Variants in PUDP observed in about 807,000 individuals in gnomAD.
PUDP encodes the protein pseudouridine 5'-phosphatase.
A neutral mutation model predicts 9.4 loss-of-function variants in PUDP; 8 were observed. The observed-to-expected ratio is 0.85, with a 90% CI of 0.50 to 1.53. The LOEUF (loss-of-function observed/expected upper bound fraction) is 1.53, where lower values mean the gene tolerates loss of function less well. Among genes scored for constraint, PUDP ranks in the 40% most tolerant of loss-of-function variants. The probability of loss-of-function intolerance (pLI) is 0.00; values close to 1 mark genes in which losing one functional copy is unlikely to be tolerated. For missense variants in PUDP, 188 were observed against 189.7 expected (o/e 0.99, Z 0.05); for synonymous variants, 99 against 80.7 (o/e 1.23, Z -1.22).
intron 3 of PUDP, among the ~76,000 whole-genome samples, chrX:6,727,532 T>C (rs1924753693): frequency 8.9e-6 from 1 of 112,346 alleles, no homozygotes; most frequent in Non-Finnish European, 1.9e-5. Flanking sequence ...TCAGCACTTT[T>C]TACTACTGGG....
At chrX:6,872,178 G>T (rs936043020) in intron 3 of PUDP, among the ~76,000 whole-genome samples, 3 of 111,120 alleles carry the variant, frequency 2.7e-5, no homozygotes, top group African/African-American at 9.8e-5. Flanking sequence ...TTTGCAGGGG[G>T]TGGACACAAA....
chrX:7,062,293 G>A (rs746905364), intron 3 of PUDP, among the ~76,000 whole-genome samples: 2 of 111,712 alleles, frequency 1.8e-5, no homozygotes, highest in African/African-American at 3.3e-5. Context: ...CCCACTGTGG[G>A]GAGCCCTGTT....
At chrX:7,023,991 G>C (rs181548346) in intron 1 of PUDP, among the ~76,000 whole-genome samples, 58 of 111,614 alleles carry the variant, frequency 5.2e-4, no homozygotes, top group African/African-American at 1.8e-3. Context: ...AAATAGTATT[G>C]ATTCTTCATT....
chrX:6,751,253 G>T (rs937447467), intron 3 of PUDP, among the ~76,000 whole-genome samples: 1 of 111,941 alleles, frequency 8.9e-6, no homozygotes, highest in East Asian at 2.8e-4. Flanking sequence ...ACCTCAAAAA[G>T]AATACTACGT....
chrX:7,027,044 C>T (rs758295254), intron 1 of PUDP, among the ~76,000 whole-genome samples: 130 of 111,600 alleles, frequency 1.2e-3, no homozygotes, highest in Non-Finnish European at 2.0e-3. Flanking sequence ...AGTTTGACTT[C>T]ATATTTTTAT....
At chrX:6,846,087 T>C (rs1482420869) in intron 3 of PUDP, among the ~76,000 whole-genome samples, 1 of 112,295 alleles carries the variant, frequency 8.9e-6, no homozygotes. Context: ...TTTATAAAAC[T>C]GTACTGTAAA....
chrX:6,900,756 C>T (rs1927671561), intron 3 of PUDP, among the ~76,000 whole-genome samples: 1 of 107,241 alleles, frequency 9.3e-6, no homozygotes. Context: ...TACCAGATGA[C>T]CAATTTTTTT....
intron 1 of PUDP, among the ~76,000 whole-genome samples, chrX:6,708,317 A>G: frequency 9.0e-6 from 1 of 111,619 alleles, no homozygotes; most frequent in East Asian, 2.8e-4. Context: ...ATTTTCCAAA[A>G]TAAGACTTGT....
intron 1 of PUDP, among the ~76,000 whole-genome samples, chrX:6,999,149 C>A (rs1388359216): frequency 9.0e-6 from 1 of 111,068 alleles, no homozygotes; most frequent in East Asian, 2.8e-4. Context: ...ATACACTGTG[C>A]TTTGTAACAT....
intron 3 of PUDP, among the ~76,000 whole-genome samples, chrX:6,875,217 C>T (rs1056468217): frequency 1.3e-4 from 14 of 110,659 alleles, no homozygotes; most frequent in African/African-American, 3.6e-4. Flanking sequence ...TACAGGTATG[C>T]GCCAACAGGC....
In PUDP at chrX:7,148,118, G is replaced by A. The variant is rs1319936014; in HGVS notation, c.-5C>T. Reference sequence around the variant, plus strand: ...GGGCTGCGGGGGCGCCGCCATGGTGGCGCCTTCTGGGTCTGGGTGGGGGCG... The same window carrying A: ...GGGCTGCGGGGGCGCCGCCATGGTGACGCCTTCTGGGTCTGGGTGGGGGCG... On this transcript the variant is annotated 5_prime_UTR_variant, in exon 1 of 4. Coordinates refer to ENST00000381077, the MANE Select transcript of PUDP (RefSeq NM_012080.5). The A allele has an allele frequency of 1.8e-6, 2 of 1,124,038 alleles. No individual in the cohort carries two copies. The highest frequency in any genetic ancestry group is 2.4e-6 in the Non-Finnish European group (2 of 847,637). 92.6% of individuals were successfully genotyped at this position (1,124,038 alleles called of 1,213,427 possible). A position where few individuals can be genotyped will look rare whatever the true frequency, so the allele number is the denominator to read the frequency against.
chrX:6,805,875 C>T (rs745866428), intron 3 of PUDP, among the ~76,000 whole-genome samples: 16 of 111,443 alleles, frequency 1.4e-4, no homozygotes, highest in Admixed American at 1.3e-3. Flanking sequence ...TATTTCATTT[C>T]AAGTGCCACG....
intron 1 of PUDP, among the ~76,000 whole-genome samples, chrX:7,031,094 TGAC>T (rs1266068597): frequency 9.0e-6 from 1 of 111,266 alleles, no homozygotes; most frequent in African/African-American, 3.3e-5. Flanking sequence ...GTAGTGAGGA[TGAC>T]TAGAGGTCAC....
chrX:6,937,152 A>C (rs1373108600), intron 3 of PUDP, among the ~76,000 whole-genome samples: 17 of 82,393 alleles, frequency 2.1e-4, no homozygotes, highest in Non-Finnish European at 2.9e-4. Flanking sequence ...ATATGGAACC[A>C]AAAAAGAGCC....
rs1484816647 is a variant in PUDP at position 7,077,206 on chromosome X, C to T, written c.510+14G>A. Reference sequence around the variant, plus strand: ...GGTTGTGGAACACGGCCCGTGTCACCGGCACCCACTTACCTTCTCCATAGC... The same window carrying T: ...GGTTGTGGAACACGGCCCGTGTCACTGGCACCCACTTACCTTCTCCATAGC... On this transcript the variant is annotated intron_variant, in intron 3 of 3. Transcript: ENST00000381077. The T allele has an allele frequency of 6.8e-6, 8 of 1,178,383 alleles. No individual in the cohort carries two copies. The highest frequency in any genetic ancestry group is 2.5e-5 in the Admixed American group (1 of 40,032).
chrX:6,878,937 C>T (rs1003785261), intron 3 of PUDP, among the ~76,000 whole-genome samples: 2 of 111,516 alleles, frequency 1.8e-5, no homozygotes, highest in Admixed American at 9.6e-5. Context: ...CTTAGAAGGC[C>T]GATTCCTGGC....
rs1469234196 is a variant in PUDP, at chrX:6,866,256, G to T, written c.*247+110877C>A. ...TTTTTTTTTTTAATTTAAAATTTAT[G>T]GTTTTTTTTTTTGTATTACTTACAT... On this transcript the variant is annotated intron_variant and NMD_transcript_variant, in intron 3 of 3. Transcript: ENST00000655425. Among the ~76,000 whole-genome samples the T allele has an allele frequency of 6.9e-5, 7 of 100,749 alleles. No homozygotes were observed. In the East Asian group the frequency reaches 2.1e-3, roughly 30 times the overall value. 87.5% of individuals were successfully genotyped at this position (100,749 alleles called of 115,157 possible).
chrX:6,760,174 G>A lies in PUDP; in HGVS notation c.*248-53708C>T, dbSNP rs760561881. Reference sequence around the variant, plus strand: ...GTCAGTTAACTTGTATGTATGAAGGGAGAGTGCTGAAATTTGTTCAGCTGT... The same window carrying A: ...GTCAGTTAACTTGTATGTATGAAGGAAGAGTGCTGAAATTTGTTCAGCTGT... On this transcript the variant is annotated intron_variant and NMD_transcript_variant, in intron 3 of 3. Coordinates refer to the PUDP transcript ENST00000655425. Among the ~76,000 whole-genome samples the A allele has an allele frequency of 1.7e-4, 19 of 112,133 alleles. No homozygotes were observed. The South Asian group carries it at 2.2e-3, about 13-fold the overall frequency.
intron 3 of PUDP, among the ~76,000 whole-genome samples, chrX:6,832,286 C>T (rs1926514963): frequency 9.0e-6 from 1 of 111,703 alleles, no homozygotes; most frequent in African/African-American, 3.3e-5. Context: ...CCAGAAGCAG[C>T]TCAACAACTC....
Sources: allele counts gnomAD v4.1 joint callset (sites outside exome capture counted in the v4.1 genomes callset), GRCh38; gene constraint gnomAD v4.1.1; transcripts MANE v1.5; gene names NCBI Gene and HGNC (gene_info 2026-07-23, HGNC 2026-07-21).